Variants in CAMSAP2 observed in about 807,000 individuals in gnomAD.
CAMSAP2 encodes the protein calmodulin regulated spectrin associated protein family member 2.
In CAMSAP2, 26 loss-of-function variants were observed where a neutral mutation model predicts 146.1. That is an observed-to-expected ratio of 0.18 (90% CI 0.13 to 0.25). CAMSAP2 has a LOEUF of 0.25. CAMSAP2 is among the 10% of genes least tolerant of loss of function. The pLI is 1.00. For synonymous variants in CAMSAP2, 499 were observed against 596.6 expected (o/e 0.84, Z 2.38); for missense variants, 1,381 against 1,759.3 (o/e 0.78, Z 3.85).
rs1300766774 is a variant in CAMSAP2 at position 200,747,642 on chromosome 1, T to TGATCAGGG, written c.139+7676_139+7677insGATCAGGG. Reference sequence around the variant, plus strand: ...ATTTGATCAGGGCTGTAGCGTCATTTCTCTGTGATTCTTTTAGCTGTGCCC... The same window carrying TGATCAGGG: ...ATTTGATCAGGGCTGTAGCGTCATTTGATCAGGGCTCTGTGATTCTTTTAGCTGTGCCC... On this transcript the variant is annotated intron_variant, in intron 1 of 16. Coordinates refer to ENST00000358823, the MANE Select transcript of CAMSAP2 (RefSeq NM_203459.4). 7.4e-3 allele frequency among the ~76,000 whole-genome samples: 1,129 copies of TGATCAGGG among 152,308 alleles called. 11 individuals carry two copies. The highest frequency in any genetic ancestry group is 0.044 in the Middle Eastern group (13 of 294).
chr1:200,756,987 A>G (rs1167408800), intron 1 of CAMSAP2, among the ~76,000 whole-genome samples: 2 of 152,108 alleles, frequency 1.3e-5, no homozygotes, highest in African/African-American at 4.8e-5. Context: ...CATTTTGATA[A>G]CTTTAATTAC....
rs531916456 is a variant in CAMSAP2, at chr1:200,772,925, T to G, written c.399+11827T>G. Among the ~76,000 whole-genome samples the G allele has an allele frequency of 3.3e-5, 5 of 152,360 alleles. No individual in the cohort carries two copies. In the South Asian group the frequency reaches 1.0e-3, roughly 32 times the overall value. On this transcript the variant is annotated intron_variant, in intron 2 of 16. Coordinates refer to ENST00000358823, the MANE Select transcript of CAMSAP2 (RefSeq NM_203459.4). ...TTATTTCCTAATTCAAAACTTTTAA[T>G]TATTTTATTTGACTTAAAATGCCAT... is the stretch of plus-strand genomic sequence containing the variant.
At chr1:200,799,497 T>C (rs760817515) in intron 2 of CAMSAP2, among the ~76,000 whole-genome samples, 2 of 152,236 alleles carry the variant, frequency 1.3e-5, no homozygotes, top group Non-Finnish European at 2.9e-5. Flanking sequence ...AGTTTGTATT[T>C]CTGTGGTATC....
chr1:200,825,812 T>C (rs1483776853), intron 4 of CAMSAP2, among the ~76,000 whole-genome samples: 1 of 152,116 alleles, frequency 6.6e-6, no homozygotes, highest in East Asian at 1.9e-4. Context: ...GGCCAATCAT[T>C]ATTTCTTAAA....
intron 8 of CAMSAP2, among the ~76,000 whole-genome samples, chr1:200,845,319 GT>G (rs1381240237): frequency 2.6e-5 from 4 of 151,892 alleles, no homozygotes; most frequent in African/African-American, 9.7e-5. Flanking sequence ...CAACGGGTGG[GT>G]TTGGTCTCTT....
intron 2 of CAMSAP2, among the ~76,000 whole-genome samples, chr1:200,803,739 A>G (rs1666096925): frequency 6.6e-6 from 1 of 152,188 alleles, no homozygotes; most frequent in Admixed American, 6.5e-5. Context: ...GAAGTTAATC[A>G]GTGAAATGAG....
At chr1:200,809,073 G>T (rs1006433002) in intron 3 of CAMSAP2, among the ~76,000 whole-genome samples, 2 of 152,180 alleles carry the variant, frequency 1.3e-5, no homozygotes, top group African/African-American at 4.8e-5. Context: ...CCCTAAGTTT[G>T]CTTTCCCACG....
At chr1:200,785,632 C>T (rs996012540) in intron 2 of CAMSAP2, among the ~76,000 whole-genome samples, 3 of 152,146 alleles carry the variant, frequency 2.0e-5, no homozygotes, top group African/African-American at 4.8e-5. Flanking sequence ...TCAAGCAGTC[C>T]ATCTGCCTTG....
intron 11 of CAMSAP2, among the ~76,000 whole-genome samples, chr1:200,851,019 TC>T (rs1409643346): frequency 6.6e-6 from 1 of 152,232 alleles, no homozygotes; most frequent in Non-Finnish European, 1.5e-5. Context: ...TCAAGCTTCA[TC>T]TAAAGCCTTT....
chr1:200,762,304 A>G (rs1664823821), intron 2 of CAMSAP2, among the ~76,000 whole-genome samples: 1 of 152,224 alleles, frequency 6.6e-6, no homozygotes, highest in Non-Finnish European at 1.5e-5. Context: ...CAATATAGTT[A>G]TTAACAATAA....
rs1250029213 is a variant in CAMSAP2, at chr1:200,832,371, T to C, written c.787+30T>C. On this transcript the variant is annotated intron_variant, in intron 5 of 16. Coordinates refer to ENST00000358823, the MANE Select transcript of CAMSAP2 (RefSeq NM_203459.4). This position sits in a 1 kb window ranked among gnomAD's most constrained non-coding sequence, Gnocchi z 4.2. Reference sequence around the variant, plus strand: ...GTGTTCCATTGTAATACTTCTGAACTGTAGACAGATAGTAACCAATATTTA... The same window carrying C: ...GTGTTCCATTGTAATACTTCTGAACCGTAGACAGATAGTAACCAATATTTA... 2 of 1,578,886 alleles carry C rather than the reference T, an allele frequency of 1.3e-6. No homozygotes were observed. The highest frequency in any genetic ancestry group is 2.7e-5 in the African/African-American group (2 of 73,432).
At chr1:200,846,177 A>C (rs984941268) in intron 8 of CAMSAP2, among the ~76,000 whole-genome samples, 4 of 152,200 alleles carry the variant, frequency 2.6e-5, no homozygotes, top group Non-Finnish European at 5.9e-5. Flanking sequence ...AAAATATGAA[A>C]TTTAGCAGGC....
Position 200,857,218 on chromosome 1 carries a change from G to A in CAMSAP2, c.4013-88G>A. On this transcript the variant is annotated intron_variant, in intron 15 of 16. Transcript: ENST00000358823. This position sits in a 1 kb window ranked among gnomAD's most constrained non-coding sequence, Gnocchi z 4.7. ...GGTCTTCTATTACAATATTTCAGCA[G>A]TGTAGGAACAATTACATCATTTTAA... is the stretch of plus-strand genomic sequence containing the variant. The A allele has an allele frequency of 4.3e-6, 4 of 934,184 alleles. No individual in the cohort carries two copies. The highest frequency in any genetic ancestry group is 2.5e-5 in the East Asian group (1 of 39,572). 57.9% of individuals were successfully genotyped at this position (934,184 alleles called of 1,614,324 possible).
chr1:200,858,150 C>A lies in CAMSAP2; in HGVS notation c.*91C>A. 2 of 1,154,454 alleles carry A rather than the reference C, an allele frequency of 1.7e-6. No homozygotes were observed. Among genetic ancestry groups the A allele is most frequent in the Admixed American group, 2.6e-5 (1 of 39,028 alleles). 71.5% of individuals were successfully genotyped at this position (1,154,454 alleles called of 1,614,324 possible). ...AAAATCTTTCTAATTGCCAACAAGA[C>A]TTTTATTAATTAAAACTGGACATTA... On this transcript the variant is annotated 3_prime_UTR_variant, in exon 17 of 17. Transcript: ENST00000358823.
intron 2 of CAMSAP2, among the ~76,000 whole-genome samples, chr1:200,769,957 C>G (rs1024886202): frequency 4.6e-5 from 7 of 152,176 alleles, no homozygotes; most frequent in African/African-American, 1.7e-4. Flanking sequence ...TGAGGCCTAA[C>G]ACACCCAAGA....
intron 1 of CAMSAP2, among the ~76,000 whole-genome samples, chr1:200,745,325 A>G (rs564276401): frequency 1.3e-5 from 2 of 152,286 alleles, no homozygotes; most frequent in Admixed American, 1.3e-4. Flanking sequence ...CTGGGGAACA[A>G]AAGGAGCCCA....
chr1:200,806,448 C>T (rs1467567807), intron 2 of CAMSAP2, among the ~76,000 whole-genome samples: 2 of 152,094 alleles, frequency 1.3e-5, no homozygotes, highest in African/African-American at 2.4e-5. Flanking sequence ...GAGAAACAGG[C>T]AGGCTGATAA....
chr1:200,796,836 A>G (rs541473260), intron 2 of CAMSAP2, among the ~76,000 whole-genome samples: 112 of 145,658 alleles, frequency 7.7e-4, no homozygotes, highest in African/African-American at 2.7e-3. Flanking sequence ...CCCACCCCAC[A>G]ACAGTCCCCA....
chr1:200,756,770 G>A (rs961086283), intron 1 of CAMSAP2, among the ~76,000 whole-genome samples: 5 of 152,264 alleles, frequency 3.3e-5, no homozygotes, highest in Admixed American at 2.6e-4. Flanking sequence ...TCAGGAAAAG[G>A]CTAGTGACTA....
Sources: allele counts gnomAD v4.1 joint callset (sites outside exome capture counted in the v4.1 genomes callset), GRCh38; gene constraint gnomAD v4.1.1; non-coding constraint Gnocchi (gnomAD v3.1); transcripts MANE v1.5; gene names NCBI Gene and HGNC (gene_info 2026-07-23, HGNC 2026-07-21).